ACSM1: variants seen among roughly 807,000 people sequenced by gnomAD.
ACSM1 encodes acyl-CoA synthetase medium chain family member 1, also known as acyl-coenzyme A synthetase ACSM1, mitochondrial.
Under a neutral mutation model 75.8 loss-of-function variants are expected in ACSM1, and 79 were observed. The observed-to-expected ratio is 1.04, with a 90% CI of 0.87 to 1.26. The LOEUF (loss-of-function observed/expected upper bound fraction) is 1.26, where lower values mean the gene tolerates loss of function less well. Ranked by LOEUF, ACSM1 falls within the 50% of genes most tolerant of loss-of-function variation. The probability of loss-of-function intolerance (pLI) is 0.00; values close to 1 mark genes in which losing one functional copy is unlikely to be tolerated. For synonymous variants in ACSM1, 279 were observed against 265.8 expected (o/e 1.05, Z -0.48); for missense variants, 676 against 720.1 (o/e 0.94, Z 0.70).
intron 10 of ACSM1, 68 bp downstream of exon 10, chr16:20,636,671 G>T: frequency 9.1e-7 from 1 of 1,094,558 alleles, no homozygotes; most frequent in Non-Finnish European, 1.4e-6. Context: ...ACTTGAAGAA[G>T]CCTCAGGATG....
At position 20,691,751 on chromosome 16, in the gene ACSM1, A is replaced by ATGTGTGTGTG. The variant is rs59929923; in HGVS notation, c.-51-522_-51-513dup. Among the ~76,000 whole-genome samples the ATGTGTGTGTG allele has an allele frequency of 1.3e-3, 175 of 134,086 alleles. 4 individuals are homozygous for ATGTGTGTGTG. The highest frequency in any genetic ancestry group is 0.011 in the East Asian group (44 of 4,168). The allele number at this position is 134,086 out of a possible 152,430, so 88.0% of individuals were successfully genotyped here. On this transcript the variant is annotated intron_variant, in intron 1 of 13. Transcript: ENST00000520010. ...CTGGGCCAATCATAATACCTCTCCA[A>ATGTGTGTGTG]TGTGTGTGTGTGTGTGTGTGTGTGT... is the stretch of plus-strand genomic sequence containing the variant.
intron 6 of ACSM1, 37 bp downstream of exon 6, chr16:20,669,790 T>G (rs1006140485): frequency 1.2e-6 from 2 of 1,600,104 alleles, no homozygotes; most frequent in Non-Finnish European, 1.7e-6. Context: ...GATTTTTTTC[T>G]GGAATTTTGC....
chr16:20,673,104 T>A (rs2020058733), intron 4 of ACSM1, among the ~76,000 whole-genome samples: 1 of 147,094 alleles, frequency 6.8e-6, no homozygotes, highest in Non-Finnish European at 1.5e-5. Flanking sequence ...ATATATAAAT[T>A]TGCATATTAT....
intron 7 of ACSM1, among the ~76,000 whole-genome samples, chr16:20,654,014 G>T (rs546544181): frequency 6.6e-6 from 1 of 152,124 alleles, no homozygotes; most frequent in East Asian, 1.9e-4. Context: ...ATACCACAAG[G>T]CTACAGTAAC....
At chr16:20,670,834 C>T (rs2019854145) in intron 5 of ACSM1, among the ~76,000 whole-genome samples, 1 of 152,200 alleles carries the variant, frequency 6.6e-6, no homozygotes, top group Non-Finnish European at 1.5e-5. Context: ...AGTGTAAATA[C>T]CCACTGCCCC....
intron 7 of ACSM1, among the ~76,000 whole-genome samples, chr16:20,657,681 T>C (rs1156385943): frequency 1.3e-5 from 2 of 152,088 alleles, no homozygotes; most frequent in Non-Finnish European, 2.9e-5. Flanking sequence ...TATGGATACA[T>C]GTGCCACGAT....
At chr16:20,663,839 C>G (rs2019421818) in intron 6 of ACSM1, among the ~76,000 whole-genome samples, 1 of 152,164 alleles carries the variant, frequency 6.6e-6, no homozygotes, top group Non-Finnish European at 1.5e-5. Context: ...TCTTTTTCCA[C>G]TAAGCTACGT....
intron 2 of ACSM1, among the ~76,000 whole-genome samples, chr16:20,687,696 C>A (rs535832363): frequency 1.3e-5 from 2 of 148,684 alleles, no homozygotes; most frequent in African/African-American, 5.0e-5. Flanking sequence ...GCTCAAAGAG[C>A]TAAAGGAAAC....
intron 2 of ACSM1, 57 bp downstream of exon 2, chr16:20,690,940 G>T: frequency 6.5e-7 from 1 of 1,545,876 alleles, no homozygotes; most frequent in South Asian, 1.2e-5. Context: ...GTAGGAGCAA[G>T]ATAAGGAAAG....
Position 20,630,707 on chromosome 16 carries a change from G to A in ACSM1, c.1300-3391C>T, listed in dbSNP as rs117145117. Among the ~76,000 whole-genome samples the A allele has an allele frequency of 3.9e-5, 6 of 152,218 alleles. No individual in the cohort carries two copies. In the East Asian group the frequency reaches 7.7e-4, roughly 20 times the overall value. On this transcript the variant is annotated intron_variant, in intron 10 of 13. Coordinates refer to ENST00000520010, the MANE Select transcript of ACSM1 (RefSeq NM_001318890.3). Reference sequence around the variant, plus strand: ...ACATATACAGGAAACTCCATCCAACGGCAGAAGAACACACATTTTTCTCAA... The same window carrying A: ...ACATATACAGGAAACTCCATCCAACAGCAGAAGAACACACATTTTTCTCAA...
rs1460408776 is a variant in ACSM1, at chr16:20,636,952, G to A, written c.1198-112C>T. ...CACCAGTGTGGATGAAATAACAGAGGAAACATCAGAAAATGGAATAAAACT... is the reference window on the plus strand; with the variant it reads ...CACCAGTGTGGATGAAATAACAGAGAAAACATCAGAAAATGGAATAAAACT... On this transcript the variant is annotated intron_variant, in intron 9 of 13. Transcript: ENST00000520010. 6.6e-6 allele frequency: 5 copies of A among 755,770 alleles called. No individual in the cohort carries two copies. In the East Asian group the frequency reaches 7.5e-5, roughly 11 times the overall value. 46.8% of individuals were successfully genotyped at this position (755,770 alleles called of 1,614,324 possible). A position where few individuals can be genotyped will look rare whatever the true frequency, so the allele number is the denominator to read the frequency against.
intron 10 of ACSM1, among the ~76,000 whole-genome samples, chr16:20,632,589 G>A (rs2017415056): frequency 6.6e-6 from 1 of 152,204 alleles, no homozygotes; most frequent in African/African-American, 2.4e-5. Flanking sequence ...TGGCTTCACT[G>A]ATGAGTTCTG....
At position 20,636,822 on chromosome 16, in the gene ACSM1, T is replaced by A; in HGVS notation, c.1216A>T (p.Ser406Cys). 1 of 1,613,968 alleles carries A rather than the reference T, an allele frequency of 6.2e-7. No individual in the cohort carries two copies. Among genetic ancestry groups the A allele is most frequent in the Non-Finnish European group, 8.5e-7 (1 of 1,179,982 alleles). ...CCTTCTGTGTTAGGTGGCAGGATGC[T>A]GCCCTTGTCATCAATGACCTGTAGC... ...YDVQVIDDKG[S>C]ILPPNTEGNI... is the part of the protein sequence containing the mutation. Residue 406 changes from serine (S) to cysteine (C), a missense_variant, in exon 10 of 14, where the codon AGC (serine) becomes TGC (cysteine). Coordinates refer to ENST00000520010, the MANE Select transcript of ACSM1 (RefSeq NM_001318890.3).
At chr16:20,686,030 C>T (rs1307212913) in intron 2 of ACSM1, among the ~76,000 whole-genome samples, 1 of 151,822 alleles carries the variant, frequency 6.6e-6, no homozygotes, top group Non-Finnish European at 1.5e-5. Flanking sequence ...TTCTCTGTGC[C>T]TTAGTTTCTC....
At chr16:20,655,068 A>G (rs2018874897) in intron 7 of ACSM1, among the ~76,000 whole-genome samples, 2 of 152,198 alleles carry the variant, frequency 1.3e-5, no homozygotes, top group South Asian at 4.1e-4. Flanking sequence ...CTATGCAGCC[A>G]TAAAAAATGA....
chr16:20,626,729 TATA>T (rs1280596411), intron 11 of ACSM1, among the ~76,000 whole-genome samples: 13 of 151,878 alleles, frequency 8.6e-5, no homozygotes, highest in African/African-American at 3.1e-4. Flanking sequence ...TAAATAATTT[TATA>T]ATAATAGATT....
intron 8 of ACSM1, 137 bp downstream of exon 8, chr16:20,640,324 A>T: frequency 1.9e-6 from 2 of 1,034,472 alleles, no homozygotes; most frequent in Non-Finnish European, 2.8e-6. Context: ...TTTCTCCTTT[A>T]AATATTGAAG....
chr16:20,655,858 T>A (rs1321314486), intron 7 of ACSM1, among the ~76,000 whole-genome samples: 1 of 152,158 alleles, frequency 6.6e-6, no homozygotes, highest in Non-Finnish European at 1.5e-5. Context: ...ACATGGAGTT[T>A]CATCATATTG....
At chr16:20,637,148 AC>A in intron 9 of ACSM1, 1 of 761,268 alleles carries the variant, frequency 1.3e-6, no homozygotes, top group Non-Finnish European at 2.4e-6. Context: ...ATTCTTTCCT[AC>A]CTACTGTGTG....
Sources: gnomAD v4.1 joint callset for allele counts (sites outside exome capture counted in the v4.1 genomes callset) on GRCh38, gnomAD v4.1.1 for gene constraint, MANE v1.5 for transcripts, NCBI Gene and HGNC (gene_info 2026-07-23, HGNC 2026-07-21) for gene names.